The following ANKRD35 variants were observed in gnomAD, a reference collection of about 807,000 sequenced individuals.
The protein encoded by ANKRD35 is ankyrin repeat domain-containing protein 35.
A neutral mutation model predicts 109.9 loss-of-function variants in ANKRD35; 102 were observed. The observed-to-expected ratio is 0.93, with a 90% confidence interval of 0.79 to 1.09. The LOEUF (loss-of-function observed/expected upper bound fraction) is 1.09, where lower values mean the gene tolerates loss of function less well. Among genes scored for constraint, ANKRD35 ranks in the 50% least tolerant of loss-of-function variants. The pLI, the probability that ANKRD35 is intolerant of heterozygous loss-of-function variation, is 0.00. For synonymous variants in ANKRD35, 515 were observed against 512.4 expected (o/e 1.01, Z -0.07); for missense variants, 1,240 against 1,230.1 (o/e 1.01, Z -0.12).
intron 1 of ANKRD35, among the ~76,000 whole-genome samples, chr1:145,883,124 G>A (rs1570809988): frequency 1.9e-5 from 2 of 107,490 alleles, no homozygotes; most frequent in South Asian, 6.0e-4. Context: ...TGCTCTTGTT[G>A]CCCAGGCTGG....
chr1:145,885,022 G>A (rs1191979546), intron 1 of ANKRD35, among the ~76,000 whole-genome samples: 6 of 152,178 alleles, frequency 3.9e-5, no homozygotes, highest in African/African-American at 1.2e-4. Flanking sequence ...TGGGACTGGC[G>A]ACCACTGGGC....
chr1:145,874,127 C>G, intron 9 of ANKRD35, 28 bp downstream of exon 9: 1 of 1,613,958 alleles, frequency 6.2e-7, no homozygotes, highest in Non-Finnish European at 8.5e-7. Flanking sequence ...GTGTCAAAAG[C>G]AAAAGGGGGA....
intron 10 of ANKRD35, among the ~76,000 whole-genome samples, chr1:145,870,935 T>G (rs748630593): frequency 2.0e-5 from 3 of 152,030 alleles, no homozygotes; most frequent in Non-Finnish European, 4.4e-5. Context: ...ATTCTAAATT[T>G]GACCATGTAT....
intron 11 of ANKRD35, 67 bp downstream of exon 11, chr1:145,868,244 C>T (rs1653676537): frequency 2.1e-5 from 32 of 1,541,052 alleles, no homozygotes; most frequent in Middle Eastern, 1.7e-4. Context: ...TAGAATGTCT[C>T]CCACATATAC....
chr1:145,885,650 G>C lies in ANKRD35; in HGVS notation c.39+70C>G. On this transcript the variant is annotated intron_variant, in intron 1 of 13. Transcript: ENST00000355594. ...AGAAAAGGCGATGATGCATTGAGACGGGACTAAAGACTTCTGTCACCACAG... is the reference window on the plus strand; with the variant it reads ...AGAAAAGGCGATGATGCATTGAGACCGGACTAAAGACTTCTGTCACCACAG... 5 of 1,521,138 alleles carry C rather than the reference G, an allele frequency of 3.3e-6. 1 individual carries two copies. The highest frequency in any genetic ancestry group is 2.3e-5 in the South Asian group (2 of 88,404). The allele number at this position is 1,521,138 out of a possible 1,614,324, so 94.2% of individuals were successfully genotyped here. A position where few individuals can be genotyped will look rare whatever the true frequency, so the allele number is the denominator to read the frequency against.
chr1:145,874,814 G>A lies in ANKRD35; in HGVS notation c.745+8C>T. The stretch of plus-strand genomic sequence containing the variant: ...TAGAGAACGTGGAAGTTACACAAGG[G>A]CCTTTACCGCCCCGCCGCCGCCGGC... On this transcript the variant is annotated splice_region_variant and intron_variant, in intron 8 of 13. Transcript: ENST00000355594. 6.3e-7 allele frequency: 1 copy of A among 1,579,206 alleles called. No individual in the cohort carries two copies. The highest frequency in any genetic ancestry group is 8.6e-7 in the Non-Finnish European group (1 of 1,163,224).
At chr1:145,870,593 T>C (rs1653772005) in intron 10 of ANKRD35, among the ~76,000 whole-genome samples, 1 of 152,200 alleles carries the variant, frequency 6.6e-6, no homozygotes, top group Non-Finnish European at 1.5e-5. Context: ...CAACTTCTCC[T>C]TCAATGCAAC....
intron 1 of ANKRD35, among the ~76,000 whole-genome samples, chr1:145,880,918 C>G (rs1315422922): frequency 2.0e-5 from 3 of 152,152 alleles, no homozygotes; most frequent in African/African-American, 7.2e-5. Context: ...ATCTCTTTGA[C>G]AGAAGAAACA....
At position 145,881,143 on chromosome 1, in the gene ANKRD35, T is replaced by TG. The variant is rs1654270624; in HGVS notation, c.40-1756dup. ...TCTACTAAAAATACAAAAAATTAGC[T>TG]GGGGGTGGTGGCCGGTGCCTGTAAT... On this transcript the variant is annotated intron_variant, in intron 1 of 13. Coordinates refer to ENST00000355594, the MANE Select transcript of ANKRD35 (RefSeq NM_144698.5). 3.9e-5 allele frequency among the ~76,000 whole-genome samples: 6 copies of TG among 152,122 alleles called. No homozygotes were observed. In the South Asian group the frequency reaches 8.3e-4, roughly 21 times the overall value.
intron 4 of ANKRD35, 130 bp from the exon 5 acceptor site, chr1:145,877,003 T>C: frequency 1.1e-6 from 1 of 872,280 alleles, no homozygotes; most frequent in Non-Finnish European, 1.8e-6. Context: ...GAAGGCTATC[T>C]ACTAGGCAAG....
At chr1:145,871,491 C>T (rs1303601607) in intron 10 of ANKRD35, among the ~76,000 whole-genome samples, 2 of 152,062 alleles carry the variant, frequency 1.3e-5, no homozygotes, top group East Asian at 1.9e-4. Context: ...CATTGGTGCC[C>T]TCTTTGCCAA....
At chr1:145,882,373 T>A (rs1237412081) in intron 1 of ANKRD35, among the ~76,000 whole-genome samples, 2 of 147,070 alleles carry the variant, frequency 1.4e-5, no homozygotes, top group African/African-American at 2.5e-5. Context: ...CATGGCTCAC[T>A]GCAGCCTTGA....
intron 1 of ANKRD35, among the ~76,000 whole-genome samples, chr1:145,881,672 C>G (rs1553741114): frequency 6.6e-6 from 1 of 152,210 alleles, no homozygotes; most frequent in African/African-American, 2.4e-5. Flanking sequence ...AGTCTTGACT[C>G]TAACACTGTC....
intron 9 of ANKRD35, 22 bp from the exon 10 acceptor site, chr1:145,874,007 A>G: frequency 6.8e-6 from 11 of 1,612,840 alleles, no homozygotes; most frequent in Non-Finnish European, 9.3e-6. Context: ...ACAGAATAGT[A>G]AAGTGTGGCC....
At chr1:145,884,626 C>T (rs1178509451) in intron 1 of ANKRD35, among the ~76,000 whole-genome samples, 1 of 151,538 alleles carries the variant, frequency 6.6e-6, no homozygotes, top group African/African-American at 2.4e-5. Flanking sequence ...CCACCACCTT[C>T]TATAATCTTA....
intron 1 of ANKRD35, among the ~76,000 whole-genome samples, chr1:145,881,245 A>G (rs1654274778): frequency 6.6e-6 from 1 of 152,182 alleles, no homozygotes; most frequent in African/African-American, 2.4e-5. Flanking sequence ...AGATTGCACC[A>G]TTGCACTCCA....
At chr1:145,883,793 A>G (rs1654382582) in intron 1 of ANKRD35, among the ~76,000 whole-genome samples, 1 of 152,252 alleles carries the variant, frequency 6.6e-6, no homozygotes, top group African/African-American at 2.4e-5. Flanking sequence ...AAGTGTGGGG[A>G]AATTTCATGA....
Position 145,873,168 on chromosome 1 carries a change from C to T in ANKRD35, c.1601G>A (p.Trp534Ter). The change falls in exon 10 of 14, where the codon TGG becomes TAG. Residue 534 changes from tryptophan (W) to a stop codon, truncating the protein, a stop_gained. Coordinates refer to ENST00000355594, the MANE Select transcript of ANKRD35 (RefSeq NM_144698.5). LOFTEE classifies it high-confidence loss of function. ...CTCCAGTCGGGCTTCCATCTTCTCC[C>T]AGGCAGCTGCTGCTGCCTCAGCACG... ...TPRAEAAAAA[W>*]EKMEARLERV... is the part of the protein sequence containing the mutation. 6.2e-7 allele frequency: 1 copy of T among 1,614,128 alleles called. No homozygotes were observed. The highest frequency in any genetic ancestry group is 8.5e-7 in the Non-Finnish European group (1 of 1,180,016).
Position 145,867,260 on chromosome 1 carries a change from C to T in ANKRD35, c.*43+27G>A. The T allele has an allele frequency of 3.4e-6, 5 of 1,481,908 alleles. No individual in the cohort carries two copies. The South Asian group carries it at 5.7e-5, about 17-fold the overall frequency. The allele number at this position is 1,481,908 out of a possible 1,614,324, so 91.8% of individuals were successfully genotyped here. ...CAAGCCCTTTCTCCCAAACTCCTTC[C>T]CTCATCACCCTTAACCCACAACTCA... On this transcript the variant is annotated intron_variant, in intron 13 of 13. Coordinates refer to ENST00000355594, the MANE Select transcript of ANKRD35 (RefSeq NM_144698.5).
Sources: gnomAD v4.1 joint callset for allele counts (sites outside exome capture counted in the v4.1 genomes callset) on GRCh38, gnomAD v4.1.1 for gene constraint, MANE v1.5 for transcripts, NCBI Gene and HGNC (gene_info 2026-07-23, HGNC 2026-07-21) for gene names.